RRAGB: variants seen among roughly 807,000 people sequenced by gnomAD.
The protein encoded by RRAGB is ras-related GTP-binding protein B.
RRAGB carries 6 observed loss-of-function variants against 29.3 expected under a neutral mutation model. The ratio of observed to expected loss-of-function variants is 0.21; its 90% confidence interval spans 0.11 to 0.40. The LOEUF (loss-of-function observed/expected upper bound fraction) is 0.40. RRAGB is among the 10% of genes least tolerant of loss of function. RRAGB has a pLI of 1.00. For synonymous variants in RRAGB, 101 were observed against 92.5 expected, an observed-to-expected ratio of 1.09 and a Z score of -0.53; for missense variants, 184 against 272.9, an observed-to-expected ratio of 0.67 and a Z score of 2.29.
chrX:55,748,329 A>G (rs1164654107), intron 5 of RRAGB, among the ~76,000 whole-genome samples: 2 of 101,037 alleles, frequency 2.0e-5, no homozygotes, highest in Non-Finnish European at 4.0e-5. Flanking sequence ...CTGGCCACCT[A>G]TCCTCTGGGA....
At position 55,731,531 on chromosome X, in the gene RRAGB, A is replaced by G. The variant is rs1223526650; in HGVS notation, c.461A>G (p.Lys154Arg). 1.7e-6 allele frequency: 2 copies of G among 1,209,062 alleles called. No individual in the cohort carries two copies. Among genetic ancestry groups the G allele is most frequent in the Non-Finnish European group, 2.2e-6 (2 of 893,836 alleles). ...EAILQNSPDA[K>R]IFCLVHKMDL... The stretch of plus-strand genomic sequence containing the variant: ...ATTCTGCAGAATTCTCCAGATGCCA[A>G]AATATTTTGCTTGGTACACAAAATG... The change falls in exon 5 of 10, where the codon AAA becomes AGA. Residue 154 changes from lysine to arginine, a missense_variant. By Grantham distance (26) the Lys-to-Arg change is conservative. Coordinates refer to ENST00000374941, the MANE Select transcript of RRAGB (RefSeq NM_006064.5).
At position 55,718,180 on chromosome X, in the gene RRAGB, A is replaced by G. The variant is rs2033122011; in HGVS notation, c.-148A>G. On this transcript the variant is annotated 5_prime_UTR_variant, in exon 1 of 10. Coordinates refer to ENST00000374941, the MANE Select transcript of RRAGB (RefSeq NM_006064.5). ...GGGGAAAGCGGCCCCCCAGTGGACA[A>G]AGGCGGAGGCAAGAATAGAGCAGGC... 2.7e-6 allele frequency: 1 copy of G among 371,926 alleles called. No homozygotes were observed. Among genetic ancestry groups the G allele is most frequent in the Non-Finnish European group, 4.5e-6 (1 of 220,157 alleles). 30.7% of individuals were successfully genotyped at this position (371,926 alleles called of 1,213,427 possible).
At chrX:55,750,361 T>C (rs1297924294) in intron 5 of RRAGB, among the ~76,000 whole-genome samples, 3 of 110,784 alleles carry the variant, frequency 2.7e-5, no homozygotes, top group Non-Finnish European at 5.7e-5. Flanking sequence ...GGAGTTAATT[T>C]TGTGGTTCGG....
intron 5 of RRAGB, among the ~76,000 whole-genome samples, chrX:55,747,920 C>G (rs1014566835): frequency 1.4e-4 from 16 of 110,768 alleles, no homozygotes; most frequent in African/African-American, 4.6e-4. Context: ...GATGCCGAGC[C>G]GAAGCTGGAC....
At position 55,718,265 on chromosome X, in the gene RRAGB, A is replaced by T; in HGVS notation, c.-63A>T. 1 of 902,058 alleles carries T rather than the reference A, an allele frequency of 1.1e-6. No individual in the cohort carries two copies. The highest frequency in any genetic ancestry group is 2.7e-5 in the South Asian group (1 of 37,710). The allele number at this position is 902,058 out of a possible 1,213,427, so 74.3% of individuals were successfully genotyped here. A position where few individuals can be genotyped will look rare whatever the true frequency, so the allele number is the denominator to read the frequency against. On this transcript the variant is annotated 5_prime_UTR_variant, in exon 1 of 10. Coordinates refer to ENST00000374941, the MANE Select transcript of RRAGB (RefSeq NM_006064.5). Reference sequence around the variant, plus strand: ...GGGGTGAAAAAGAAAACAAACAAACAACAACAACAAACCCTGAAGAGTACT... The same window carrying T: ...GGGGTGAAAAAGAAAACAAACAAACTACAACAACAAACCCTGAAGAGTACT...
chrX:55,739,921 A>G (rs1316538787), intron 5 of RRAGB, among the ~76,000 whole-genome samples: 1 of 112,885 alleles, frequency 8.9e-6, no homozygotes, highest in Non-Finnish European at 1.9e-5. Flanking sequence ...AAGCTTAGTT[A>G]AGAAAAGTAT....
intron 6 of RRAGB, chrX:55,751,633 C>T (rs1233952847): frequency 1.8e-5 from 2 of 113,666 alleles, no homozygotes; most frequent in Admixed American, 9.4e-5. Flanking sequence ...GAGAAGGAGT[C>T]TTAGAATCAG....
At chrX:55,746,252 A>G (rs1194101884) in intron 5 of RRAGB, among the ~76,000 whole-genome samples, 1 of 111,902 alleles carries the variant, frequency 8.9e-6, no homozygotes, top group African/African-American at 3.2e-5. Flanking sequence ...ATTCTTCCAC[A>G]TATACAGATC....
chrX:55,723,763 G>A (rs2033378256), intron 3 of RRAGB, among the ~76,000 whole-genome samples: 1 of 110,458 alleles, frequency 9.1e-6, no homozygotes, highest in Non-Finnish European at 1.9e-5. Flanking sequence ...TCACCATGTT[G>A]GCCAAACTGG....
rs2033834474 is a variant in RRAGB, at chrX:55,735,420, C to G, written c.516+3834C>G. Among the ~76,000 whole-genome samples the G allele has an allele frequency of 2.7e-5, 3 of 111,889 alleles. No homozygotes were observed. The South Asian group carries it at 1.1e-3, about 41-fold the overall frequency. ...GTTGTTGATTTAAAGTCTGTTTTAT[C>G]TAAGAATAGTTATTCCCACTCACTT... is the stretch of plus-strand genomic sequence containing the variant. On this transcript the variant is annotated intron_variant, in intron 5 of 9. Transcript: ENST00000374941.
chrX:55,743,488 T>C (rs764036587), intron 5 of RRAGB, among the ~76,000 whole-genome samples: 1 of 112,497 alleles, frequency 8.9e-6, no homozygotes, highest in African/African-American at 3.2e-5. Context: ...TCCATGATGC[T>C]GAGCCCATAT....
intron 5 of RRAGB, among the ~76,000 whole-genome samples, chrX:55,738,805 C>A (rs188436002): frequency 1.8e-5 from 2 of 111,572 alleles, no homozygotes; most frequent in African/African-American, 6.5e-5. Flanking sequence ...ATGGGCAAGG[C>A]CATGGAACTC....
intron 1 of RRAGB, among the ~76,000 whole-genome samples, chrX:55,718,893 A>G (rs1275822250): frequency 8.9e-6 from 1 of 111,754 alleles, no homozygotes; most frequent in Non-Finnish European, 1.9e-5. Flanking sequence ...CAGATTTTAA[A>G]ATTAGGAGGC....
intron 3 of RRAGB, among the ~76,000 whole-genome samples, chrX:55,727,730 C>T (rs772452637): frequency 7.1e-5 from 8 of 111,931 alleles, no homozygotes; most frequent in South Asian, 3.7e-4. Flanking sequence ...AGTTAGATAG[C>T]AGTCAATTTA....
At chrX:55,727,749 C>T (rs1311354284) in intron 3 of RRAGB, among the ~76,000 whole-genome samples, 1 of 112,033 alleles carries the variant, frequency 8.9e-6, no homozygotes, top group Admixed American at 9.5e-5. Flanking sequence ...TAAGCAACAG[C>T]TTTGAGATAG....
chrX:55,731,957 A>G (rs1415320174), intron 5 of RRAGB, among the ~76,000 whole-genome samples: 1 of 112,044 alleles, frequency 8.9e-6, no homozygotes, highest in Non-Finnish European at 1.9e-5. Flanking sequence ...CATTAGATTG[A>G]CTTAGGAAAC....
intron 8 of RRAGB, among the ~76,000 whole-genome samples, chrX:55,756,573 T>G (rs2034661640): frequency 8.9e-6 from 1 of 112,570 alleles, no homozygotes; most frequent in South Asian, 3.6e-4. Flanking sequence ...TATGCTAACA[T>G]TTTGAAGAAG....
At chrX:55,730,328 A>G (rs1322029616) in intron 4 of RRAGB, among the ~76,000 whole-genome samples, 1 of 112,363 alleles carries the variant, frequency 8.9e-6, no homozygotes, top group Non-Finnish European at 1.9e-5. Context: ...CTTCCTCATT[A>G]TCATTGGTTC....
chrX:55,738,833 T>C, intron 5 of RRAGB, among the ~76,000 whole-genome samples: 1 of 111,819 alleles, frequency 8.9e-6, no homozygotes. Flanking sequence ...TCCCTGTCTG[T>C]TGTGTTATGC....
Sources: gnomAD v4.1 joint callset for allele counts (sites outside exome capture counted in the v4.1 genomes callset) on GRCh38, gnomAD v4.1.1 for gene constraint, MANE v1.5 for transcripts, NCBI Gene and HGNC (gene_info 2026-07-23, HGNC 2026-07-21) for gene names.